Variants in ELMO1 observed in about 807,000 individuals in gnomAD.
The protein encoded by ELMO1 is engulfment and cell motility protein 1.
ELMO1 carries 26 observed loss-of-function variants against 98.9 expected under a neutral mutation model. That is an observed-to-expected ratio of 0.26 (90% CI 0.19 to 0.36). The LOEUF is 0.36. ELMO1 is among the 10% of genes least tolerant of loss of function. ELMO1 has a pLI of 1.00. For synonymous variants in ELMO1, 346 were observed against 346.0 expected (o/e 1.00, Z 0.00); for missense variants, 627 against 935.2 (o/e 0.67, Z 4.30).
chr7:37,428,604 T>C (rs1282859728), intron 1 of ELMO1, among the ~76,000 whole-genome samples: 4 of 152,202 alleles, frequency 2.6e-5, no homozygotes, highest in Non-Finnish European at 5.9e-5. Flanking sequence ...AATGAAAATG[T>C]GTATTAGAAA....
intron 18 of ELMO1, among the ~76,000 whole-genome samples, chr7:36,886,131 G>A (rs564638919): frequency 3.3e-5 from 5 of 152,318 alleles, no homozygotes; most frequent in African/African-American, 1.2e-4. Flanking sequence ...AGGAGGGCAT[G>A]AACTCATTCT....
chr7:37,040,695 T>C (rs368363428), intron 15 of ELMO1, among the ~76,000 whole-genome samples: 11 of 152,322 alleles, frequency 7.2e-5, no homozygotes, highest in African/African-American at 2.6e-4. Flanking sequence ...CAGGGCATTA[T>C]GTAGCTGCCT....
chr7:37,436,738 G>A (rs1280564532), intron 1 of ELMO1, among the ~76,000 whole-genome samples: 1 of 152,208 alleles, frequency 6.6e-6, no homozygotes, highest in Non-Finnish European at 1.5e-5. Flanking sequence ...TCCAGAGAGA[G>A]CGATTGGAAA....
intron 15 of ELMO1, among the ~76,000 whole-genome samples, chr7:37,074,507 T>G (rs956421444): frequency 6.6e-6 from 1 of 152,208 alleles, no homozygotes; most frequent in East Asian, 1.9e-4. Flanking sequence ...CAGTAGGTAT[T>G]TGCCTAATAA....
Position 37,277,292 on chromosome 7 carries a change from G to A in ELMO1, c.193-5410C>T, listed in dbSNP as rs117714709. Among the ~76,000 whole-genome samples, 17 of 152,358 alleles carry A rather than the reference G, an allele frequency of 1.1e-4. No homozygotes were observed. In the East Asian group the frequency reaches 2.5e-3, roughly 22 times the overall value. On this transcript the variant is annotated intron_variant, in intron 4 of 21. Transcript: ENST00000310758. ...AGCACATAGGTGTGATGCAGAGAGA[G>A]GGGAAGAACAGGGTGTGCAGCACAG...
chr7:36,892,225 G>A (rs1405855760), intron 17 of ELMO1, among the ~76,000 whole-genome samples: 1 of 152,212 alleles, frequency 6.6e-6, no homozygotes, highest in African/African-American at 2.4e-5. Context: ...AGAGGGAGGA[G>A]GGCAGCCTGA....
At chr7:37,122,481 G>T (rs997758877) in intron 14 of ELMO1, among the ~76,000 whole-genome samples, 7 of 152,074 alleles carry the variant, frequency 4.6e-5, no homozygotes, top group African/African-American at 7.2e-5. Flanking sequence ...GGCAGGGGTT[G>T]GAATCCTAGT....
At chr7:37,376,607 G>T (rs532167441) in intron 1 of ELMO1, among the ~76,000 whole-genome samples, 1 of 152,042 alleles carries the variant, frequency 6.6e-6, no homozygotes, top group Non-Finnish European at 1.5e-5. Flanking sequence ...CTGACTCAGC[G>T]CATGAAGACA....
chr7:36,961,219 G>A (rs995259923), intron 16 of ELMO1, among the ~76,000 whole-genome samples: 3 of 152,162 alleles, frequency 2.0e-5, no homozygotes, highest in Non-Finnish European at 4.4e-5. Context: ...TTCTCAGAGA[G>A]GCCTGTTATA....
rs936509193 is a variant in ELMO1 at position 37,303,221 on chromosome 7, A to G, written c.192+11629T>C. ...CCTTGTAGAGCAAAGAGTGTAATGA[A>G]ATGTTTTTCCATCTGTGGAGCACAA... On this transcript the variant is annotated intron_variant, in intron 4 of 21. Transcript: ENST00000310758. Among the ~76,000 whole-genome samples the G allele has an allele frequency of 5.3e-5, 8 of 152,202 alleles. No individual in the cohort carries two copies. The South Asian group carries it at 1.7e-3, about 31-fold the overall frequency.
chr7:37,072,547 G>A (rs1047897897), intron 15 of ELMO1, among the ~76,000 whole-genome samples: 6 of 152,076 alleles, frequency 3.9e-5, no homozygotes, highest in Non-Finnish European at 7.4e-5. Flanking sequence ...TTATGAACTC[G>A]GAATGCAAAT....
intron 4 of ELMO1, among the ~76,000 whole-genome samples, chr7:37,309,873 T>C (rs1798807622): frequency 6.6e-6 from 1 of 152,232 alleles, no homozygotes; most frequent in Non-Finnish European, 1.5e-5. Context: ...TAAGCTTCAA[T>C]CCTTTCTGGA....
intron 13 of ELMO1, among the ~76,000 whole-genome samples, chr7:37,144,045 C>G (rs562068457): frequency 6.6e-6 from 1 of 151,974 alleles, no homozygotes; most frequent in South Asian, 2.1e-4. Context: ...TTCTCCACCC[C>G]CTCAGACATT....
At chr7:37,014,096 CT>C (rs1793748089) in intron 15 of ELMO1, among the ~76,000 whole-genome samples, 1 of 152,186 alleles carries the variant, frequency 6.6e-6, no homozygotes, top group South Asian at 2.1e-4. Context: ...CCAAAACTGC[CT>C]TCAAGCCCCC....
intron 2 of ELMO1, among the ~76,000 whole-genome samples, chr7:37,334,354 G>C (rs1353415388): frequency 1.3e-5 from 2 of 152,180 alleles, no homozygotes; most frequent in Non-Finnish European, 2.9e-5. Flanking sequence ...GCTGAGGCAG[G>C]AGAATCGCTT....
At chr7:37,280,045 C>T (rs1797058263) in intron 4 of ELMO1, among the ~76,000 whole-genome samples, 1 of 152,152 alleles carries the variant, frequency 6.6e-6, no homozygotes, top group African/African-American at 2.4e-5. Context: ...AGAAATAAAC[C>T]CAAATACTTA....
At chr7:37,146,551 G>A (rs1413979513) in intron 13 of ELMO1, among the ~76,000 whole-genome samples, 1 of 152,088 alleles carries the variant, frequency 6.6e-6, no homozygotes, top group Non-Finnish European at 1.5e-5. Context: ...TCCTCACCTG[G>A]TTGCTTACAC....
At chr7:37,051,912 CTT>C (rs928702442) in intron 15 of ELMO1, among the ~76,000 whole-genome samples, 3 of 152,084 alleles carry the variant, frequency 2.0e-5, no homozygotes. Context: ...GGTCAGAAGA[CTT>C]TTTTTGTCAT....
chr7:37,076,336 G>A (rs574654735), intron 15 of ELMO1, among the ~76,000 whole-genome samples: 1 of 152,114 alleles, frequency 6.6e-6, no homozygotes, highest in Admixed American at 6.5e-5. Flanking sequence ...GACTAAAGAG[G>A]AATACTCAAA....
Sources: allele counts gnomAD v4.1 joint callset (sites outside exome capture counted in the v4.1 genomes callset), GRCh38; gene constraint gnomAD v4.1.1; transcripts MANE v1.5; gene names NCBI Gene and HGNC (gene_info 2026-07-23, HGNC 2026-07-21).